The following MACROD2 variants were observed in gnomAD, a reference collection of about 807,000 sequenced individuals.
MACROD2 encodes mono-ADP ribosylhydrolase 2.
A neutral mutation model predicts 70.4 loss-of-function variants in MACROD2; 36 were observed. The ratio of observed to expected loss-of-function variants is 0.51; its 90% CI spans 0.39 to 0.68. The LOEUF (loss-of-function observed/expected upper bound fraction) is 0.68. Among genes scored for constraint, MACROD2 ranks in the 30% least tolerant of loss-of-function variants. The probability of loss-of-function intolerance (pLI) is 0.00; values close to 1 mark genes in which losing one functional copy is unlikely to be tolerated. For missense variants in MACROD2, 496 were observed against 538.4 expected (o/e 0.92, Z 0.78); for synonymous variants, 172 against 178.8 (o/e 0.96, Z 0.30).
intron 5 of MACROD2, among the ~76,000 whole-genome samples, chr20:14,707,355 A>C (rs2071281490): frequency 6.6e-6 from 1 of 151,894 alleles, no homozygotes; most frequent in Non-Finnish European, 1.5e-5. Context: ...AGAATCCTTC[A>C]TTTTTTTTAC....
chr20:14,109,356 A>G (rs2054416087), intron 3 of MACROD2, among the ~76,000 whole-genome samples: 2 of 151,998 alleles, frequency 1.3e-5, no homozygotes, highest in African/African-American at 4.8e-5. Flanking sequence ...GTAGAAAACC[A>G]AGAGCAAATA....
intron 5 of MACROD2, among the ~76,000 whole-genome samples, chr20:15,155,468 G>T (rs758723765): frequency 2.0e-5 from 3 of 152,008 alleles, no homozygotes; most frequent in East Asian, 1.9e-4. Flanking sequence ...CACCTGAACT[G>T]CCCACCCTGC....
At chr20:15,069,642 C>T (rs1300755071) in intron 5 of MACROD2, among the ~76,000 whole-genome samples, 1 of 152,226 alleles carries the variant, frequency 6.6e-6, no homozygotes, top group Non-Finnish European at 1.5e-5. Flanking sequence ...GCCCCAGGTA[C>T]AGCTTGGGCT....
intron 8 of MACROD2, among the ~76,000 whole-genome samples, chr20:15,557,487 A>G (rs2048183198): frequency 1.3e-5 from 2 of 152,326 alleles, no homozygotes; most frequent in Non-Finnish European, 2.9e-5. Flanking sequence ...ATGTAAGCAT[A>G]ATCTTTTGTT....
intron 5 of MACROD2, among the ~76,000 whole-genome samples, chr20:14,964,383 TAACACGGTGA>T (rs2074612210): frequency 6.6e-6 from 1 of 151,944 alleles, no homozygotes; most frequent in South Asian, 2.1e-4. Context: ...CCATCCTGGC[TAACACGGTGA>T]AACCCCGTCT....
At chr20:14,591,256 T>A (rs1981749215) in intron 4 of MACROD2, among the ~76,000 whole-genome samples, 1 of 152,184 alleles carries the variant, frequency 6.6e-6, no homozygotes, top group African/African-American at 2.4e-5. Context: ...TTTAATACAT[T>A]TAATCCATTT....
chr20:14,048,383 T>C (rs2053509581), intron 2 of MACROD2, among the ~76,000 whole-genome samples: 1 of 152,220 alleles, frequency 6.6e-6, no homozygotes, highest in South Asian at 2.1e-4. Context: ...GTTTCAGTTA[T>C]TTGATAGTTT....
At chr20:15,859,452 C>T (rs190403856) in intron 8 of MACROD2, among the ~76,000 whole-genome samples, 31 of 152,272 alleles carry the variant, frequency 2.0e-4, no homozygotes, top group Non-Finnish European at 8.8e-5. Flanking sequence ...GAAAGCGCAT[C>T]GCATGCCATC....
At chr20:15,463,348 T>C (rs1469903642) in intron 7 of MACROD2, among the ~76,000 whole-genome samples, 1 of 152,220 alleles carries the variant, frequency 6.6e-6, no homozygotes, top group Non-Finnish European at 1.5e-5. Context: ...GCCAAACATT[T>C]GCCTTACCTG....
chr20:14,744,273 A>G (rs530037647), intron 5 of MACROD2, among the ~76,000 whole-genome samples: 3 of 152,334 alleles, frequency 2.0e-5, no homozygotes, highest in East Asian at 1.9e-4. Context: ...AAATTTTGCT[A>G]TAAGATCATA....
rs575783644 is a variant in MACROD2 at position 15,335,046 on chromosome 20, G to C, written c.541-96359G>C. ...TTAGAAATTTCTAAAGCTGGGAAAG[G>C]CTTCAGCAGTCAGAGTCTAGACTGT... On this transcript the variant is annotated intron_variant, in intron 6 of 17. Transcript: ENST00000684519. Among the ~76,000 whole-genome samples the C allele has an allele frequency of 4.6e-5, 7 of 151,802 alleles. No homozygotes were observed. The South Asian group carries it at 1.5e-3, about 31-fold the overall frequency.
At chr20:14,255,355 T>C in intron 3 of MACROD2, among the ~76,000 whole-genome samples, 1 of 151,892 alleles carries the variant, frequency 6.6e-6, no homozygotes, top group African/African-American at 2.4e-5. Flanking sequence ...TATGCAGCCA[T>C]AAAAAAGGAT....
intron 5 of MACROD2, among the ~76,000 whole-genome samples, chr20:15,083,056 T>G (rs918700450): frequency 6.6e-6 from 1 of 152,194 alleles, no homozygotes; most frequent in Non-Finnish European, 1.5e-5. Context: ...GTGTAAGGGC[T>G]GTGATGTTAT....
At chr20:15,014,960 C>A (rs1793757815) in intron 5 of MACROD2, among the ~76,000 whole-genome samples, 1 of 151,928 alleles carries the variant, frequency 6.6e-6, no homozygotes, top group Non-Finnish European at 1.5e-5. Context: ...ATAATGTGGT[C>A]TCTTCAAAAG....
At chr20:15,673,795 A>AG (rs1555858587) in intron 8 of MACROD2, among the ~76,000 whole-genome samples, 18,058 of 150,760 alleles carry the variant, frequency 0.12, 1,524 homozygotes, top group East Asian at 0.41. Flanking sequence ...AAAAAAAAAA[A>AG]CAGCCCTGAT....
chr20:14,251,493 A>G (rs2082011863), intron 3 of MACROD2, among the ~76,000 whole-genome samples: 1 of 152,122 alleles, frequency 6.6e-6, no homozygotes, highest in Admixed American at 6.6e-5. Flanking sequence ...TACTCAAATA[A>G]GACATGATTA....
At chr20:15,201,305 A>G (rs2076654124) in intron 5 of MACROD2, among the ~76,000 whole-genome samples, 1 of 152,100 alleles carries the variant, frequency 6.6e-6, no homozygotes, top group South Asian at 2.1e-4. Flanking sequence ...TATCTAACAT[A>G]CCAAGCAGAT....
intron 2 of MACROD2, among the ~76,000 whole-genome samples, chr20:14,009,789 A>G (rs1381525052): frequency 6.6e-6 from 1 of 152,264 alleles, no homozygotes; most frequent in East Asian, 1.9e-4. Context: ...CTATGCAGCC[A>G]TAAAAAGGAA....
intron 5 of MACROD2, among the ~76,000 whole-genome samples, chr20:14,800,979 A>T (rs1414309228): frequency 6.6e-6 from 1 of 152,144 alleles, no homozygotes; most frequent in Non-Finnish European, 1.5e-5. Context: ...CCCATAATTT[A>T]GCTTGACAAC....
Sources: gnomAD v4.1 joint callset for allele counts (sites outside exome capture counted in the v4.1 genomes callset) on GRCh38, gnomAD v4.1.1 for gene constraint, MANE v1.5 for transcripts, NCBI Gene and HGNC (gene_info 2026-07-23, HGNC 2026-07-21) for gene names.